TTC28: variants seen among roughly 807,000 people sequenced by gnomAD.
TTC28 encodes the protein tetratricopeptide repeat domain 28, also known as tetratricopeptide repeat protein 28.
Under a neutral mutation model 198.0 loss-of-function variants are expected in TTC28, and 61 were observed. The ratio of observed to expected loss-of-function variants is 0.31; its 90% CI spans 0.25 to 0.38. The LOEUF (loss-of-function observed/expected upper bound fraction) is 0.38. Among genes scored for constraint, TTC28 ranks in the 10% least tolerant of loss-of-function variants. The pLI is 1.00. For synonymous variants in TTC28, 1,171 were observed against 1,297.8 expected, an observed-to-expected ratio of 0.90 and a Z score of 2.10; for missense variants, 2,678 against 3,164.0, an observed-to-expected ratio of 0.85 and a Z score of 3.69.
At chr22:28,407,905 T>C (rs1345373779) in intron 2 of TTC28, among the ~76,000 whole-genome samples, 2 of 152,238 alleles carry the variant, frequency 1.3e-5, no homozygotes, top group African/African-American at 4.8e-5. Flanking sequence ...GAATGTCATA[T>C]AGTCAACATC....
At chr22:28,614,119 CA>C (rs2050863611) in intron 2 of TTC28, among the ~76,000 whole-genome samples, 1 of 152,128 alleles carries the variant, frequency 6.6e-6, no homozygotes, top group African/African-American at 2.4e-5. Context: ...AATCAATGTG[CA>C]AAAATCACAA....
intron 5 of TTC28, among the ~76,000 whole-genome samples, chr22:28,177,551 C>T (rs900998783): frequency 6.6e-6 from 1 of 152,174 alleles, no homozygotes; most frequent in Non-Finnish European, 1.5e-5. Context: ...AAAACCTGTG[C>T]ATGACTGTTT....
chr22:28,253,783 G>T (rs1244453055), intron 5 of TTC28, among the ~76,000 whole-genome samples: 1 of 152,074 alleles, frequency 6.6e-6, no homozygotes, highest in Non-Finnish European at 1.5e-5. Flanking sequence ...GAGTGACCAG[G>T]TAAATGATGG....
At chr22:28,150,295 T>C (rs1943576954) in intron 6 of TTC28, among the ~76,000 whole-genome samples, 1 of 152,196 alleles carries the variant, frequency 6.6e-6, no homozygotes, top group South Asian at 2.1e-4. Flanking sequence ...GCCACAATCA[T>C]GTTGGTGGCT....
chr22:28,026,747 AAAG>A (rs139508430), intron 13 of TTC28, among the ~76,000 whole-genome samples: 2 of 152,308 alleles, frequency 1.3e-5, no homozygotes, highest in East Asian at 3.9e-4. Context: ...CTCTTCAGAA[AAAG>A]AAGACTTACT....
intron 5 of TTC28, among the ~76,000 whole-genome samples, chr22:28,220,444 G>A (rs1834116840): frequency 6.6e-6 from 1 of 152,194 alleles, no homozygotes; most frequent in African/African-American, 2.4e-5. Context: ...TTAATTTGGG[G>A]AGGATCTGCT....
intron 2 of TTC28, among the ~76,000 whole-genome samples, chr22:28,346,059 A>C (rs2045898262): frequency 6.6e-6 from 1 of 152,184 alleles, no homozygotes; most frequent in Non-Finnish European, 1.5e-5. Flanking sequence ...CCTATCCTGG[A>C]TGCTTTTTTA....
chr22:28,519,465 T>TA (rs1319999672), intron 2 of TTC28, among the ~76,000 whole-genome samples: 1 of 152,186 alleles, frequency 6.6e-6, no homozygotes, highest in Non-Finnish European at 1.5e-5. Context: ...ACTTATAAGA[T>TA]AAAACTGGCT....
intron 5 of TTC28, among the ~76,000 whole-genome samples, chr22:28,224,965 A>C (rs1316542274): frequency 6.6e-6 from 1 of 152,208 alleles, no homozygotes; most frequent in African/African-American, 2.4e-5. Context: ...GTTAGTAAGA[A>C]CCAGTAAATG....
chr22:28,539,937 CT>C (rs34198666), intron 2 of TTC28, among the ~76,000 whole-genome samples: 21,433 of 84,518 alleles, frequency 0.25, 1,667 homozygotes, highest in Non-Finnish European at 0.3. Flanking sequence ...CCTCAGGAAG[CT>C]TTTTTTTTTT....
At chr22:28,393,262 T>C (rs909835799) in intron 2 of TTC28, among the ~76,000 whole-genome samples, 1 of 152,152 alleles carries the variant, frequency 6.6e-6, no homozygotes, top group African/African-American at 2.4e-5. Context: ...ACTTTTACAG[T>C]CGATTCTTTT....
intron 2 of TTC28, among the ~76,000 whole-genome samples, chr22:28,530,264 C>A (rs921652489): frequency 6.6e-6 from 1 of 152,098 alleles, no homozygotes; most frequent in African/African-American, 2.4e-5. Flanking sequence ...GTGACACATG[C>A]ACAAGCTTCA....
At chr22:28,628,036 GC>G (rs950685490) in intron 2 of TTC28, among the ~76,000 whole-genome samples, 1 of 152,058 alleles carries the variant, frequency 6.6e-6, no homozygotes, top group Admixed American at 6.5e-5. Flanking sequence ...CTCCCAAGTA[GC>G]TGGGGATATA....
At chr22:28,576,029 T>C (rs2050143221) in intron 2 of TTC28, among the ~76,000 whole-genome samples, 1 of 152,150 alleles carries the variant, frequency 6.6e-6, no homozygotes, top group Non-Finnish European at 1.5e-5. Flanking sequence ...TCCAGTACTA[T>C]GATGAATAAC....
Position 27,999,100 on chromosome 22 carries a change from C to T in TTC28, c.4559G>A (p.Cys1520Tyr), listed in dbSNP as rs1421535072. 1 of 1,550,458 alleles carries T rather than the reference C, an allele frequency of 6.4e-7. No individual in the cohort carries two copies. The highest frequency in any genetic ancestry group is 2.0e-5 in the Admixed American group (1 of 51,016). ...EAYMVSELLG[C>Y]QPLVGSVATK... ...GGCCACACTGCCCACTAGGGGCTGGCAGCCCAGCAGCTCGGACACCATGTA... is the reference window on the plus strand; with the variant it reads ...GGCCACACTGCCCACTAGGGGCTGGTAGCCCAGCAGCTCGGACACCATGTA... The change falls in exon 16 of 23, where the codon TGC becomes TAC. Residue 1520 changes from cysteine to tyrosine, a missense_variant. This residue lies in a region of TTC28 where 727 missense variants were observed against 861.9 expected (regional missense o/e 0.84). Coordinates refer to ENST00000397906, the MANE Select transcript of TTC28 (RefSeq NM_001145418.2).
At chr22:28,560,564 C>T (rs956252046) in intron 2 of TTC28, among the ~76,000 whole-genome samples, 4 of 152,098 alleles carry the variant, frequency 2.6e-5, no homozygotes, top group African/African-American at 9.7e-5. Context: ...TAATCATTCC[C>T]ACCCAAGGAA....
At chr22:28,040,630 T>C (rs553990734) in intron 12 of TTC28, among the ~76,000 whole-genome samples, 4 of 152,312 alleles carry the variant, frequency 2.6e-5, no homozygotes, top group East Asian at 3.9e-4. Context: ...GCCAATACCA[T>C]ACCGAATGGG....
intron 12 of TTC28, among the ~76,000 whole-genome samples, chr22:28,092,340 C>A (rs1477872713): frequency 6.6e-6 from 1 of 152,094 alleles, no homozygotes; most frequent in Non-Finnish European, 1.5e-5. Flanking sequence ...TCATCAGGAT[C>A]CTTAATCTCT....
intron 2 of TTC28, among the ~76,000 whole-genome samples, chr22:28,565,333 AT>A (rs2049952673): frequency 6.6e-6 from 1 of 152,236 alleles, no homozygotes; most frequent in Non-Finnish European, 1.5e-5. Flanking sequence ...TGAAAAGGAT[AT>A]TAAAGAAAAA....
Sources: allele counts gnomAD v4.1 joint callset (sites outside exome capture counted in the v4.1 genomes callset), GRCh38; gene constraint gnomAD v4.1.1; regional missense constraint gnomAD v4.1.1; transcripts MANE v1.5; gene names NCBI Gene and HGNC (gene_info 2026-07-23, HGNC 2026-07-21).